Variants in FAM107B observed in about 807,000 individuals in gnomAD.
The protein encoded by FAM107B is family with sequence similarity 107 member B.
A neutral mutation model predicts 31.5 loss-of-function variants in FAM107B; 21 were observed. That is an observed-to-expected ratio of 0.67 (90% CI 0.47 to 0.96). The LOEUF (loss-of-function observed/expected upper bound fraction) is 0.96, where lower values mean the gene tolerates loss of function less well. FAM107B is among the 40% of genes least tolerant of loss of function. The probability of loss-of-function intolerance (pLI) is 0.00; values close to 1 mark genes in which losing one functional copy is unlikely to be tolerated. For synonymous variants in FAM107B, 157 were observed against 141.5 expected (o/e 1.11, Z -0.78); for missense variants, 452 against 377.1 (o/e 1.20, Z -1.64).
chr10:14,548,341 C>G (rs1385306851), intron 2 of FAM107B: 3 of 856,684 alleles, frequency 3.5e-6, no homozygotes, highest in Non-Finnish European at 4.2e-6. Context: ...CCTCAGGGAC[C>G]AGATGCTCTT....
chr10:14,770,044 T>C (rs535066157), intron 1 of FAM107B, among the ~76,000 whole-genome samples: 10 of 152,198 alleles, frequency 6.6e-5, no homozygotes, highest in Non-Finnish European at 1.2e-4. Flanking sequence ...AGTGCCGTCC[T>C]GTGTTTGTAT....
intron 1 of FAM107B, among the ~76,000 whole-genome samples, chr10:14,686,033 C>T: frequency 6.6e-6 from 1 of 152,118 alleles, no homozygotes; most frequent in Non-Finnish European, 1.5e-5. Flanking sequence ...GGACCCCACC[C>T]CCCTGATTCA....
intron 2 of FAM107B, among the ~76,000 whole-genome samples, chr10:14,613,487 C>G (rs1228977027): frequency 8.5e-5 from 13 of 152,166 alleles, no homozygotes; most frequent in Non-Finnish European, 1.9e-4. Context: ...TACCCCATGC[C>G]TCCTTACTAA....
At chr10:14,624,637 A>G (rs931124716) in intron 2 of FAM107B, among the ~76,000 whole-genome samples, 2 of 151,192 alleles carry the variant, frequency 1.3e-5, no homozygotes, top group Non-Finnish European at 3.0e-5. Flanking sequence ...CTCCGTTTCA[A>G]AAAAAAAAGA....
chr10:14,529,882 T>C (rs1463188452), intron 3 of FAM107B: 1 of 155,416 alleles, frequency 6.4e-6, no homozygotes, highest in African/African-American at 2.4e-5. Context: ...TCCTATCTAT[T>C]AAGTCTAATA....
At chr10:14,719,775 C>T (rs1855868401) in intron 1 of FAM107B, among the ~76,000 whole-genome samples, 1 of 143,454 alleles carries the variant, frequency 7.0e-6, no homozygotes, top group African/African-American at 2.4e-5. Flanking sequence ...CTCCTGGGCT[C>T]CCCTCACACC....
At chr10:14,718,399 GAAGAAAGAAAGAGGA>G (rs1229773665) in intron 1 of FAM107B, among the ~76,000 whole-genome samples, 2 of 146,864 alleles carry the variant, frequency 1.4e-5, no homozygotes, top group African/African-American at 2.5e-5. Flanking sequence ...GAAAGGAAAG[GAAGAAAGAAAGAGGA>G]AAGAAAGAAA....
At chr10:14,524,596 T>A (rs1210720359) in intron 3 of FAM107B, among the ~76,000 whole-genome samples, 1 of 152,246 alleles carries the variant, frequency 6.6e-6, no homozygotes, top group East Asian at 1.9e-4. Flanking sequence ...AAGAGTACTC[T>A]GTTCAAAATA....
At chr10:14,612,561 CTG>C (rs1852750442) in intron 2 of FAM107B, 2 of 152,250 alleles carry the variant, frequency 1.3e-5, no homozygotes, top group Non-Finnish European at 2.9e-5. Flanking sequence ...TTGCAGGAAA[CTG>C]TACTTTGACA....
At position 14,686,781 on chromosome 10, in the gene FAM107B, A is replaced by G. The variant is rs552212061; in HGVS notation, c.412-19090T>C. 9.8e-4 allele frequency among the ~76,000 whole-genome samples: 150 copies of G among 152,330 alleles called. 1 individual carries two copies. Among genetic ancestry groups the G allele is most frequent in the African/African-American group, 3.5e-3 (144 of 41,582 alleles). On this transcript the variant is annotated intron_variant, in intron 1 of 4. Coordinates refer to ENST00000181796, the MANE Select transcript of FAM107B (RefSeq NM_031453.4). The stretch of plus-strand genomic sequence containing the variant: ...ATGGTCTGAATTCATCCTGAGAAGA[A>G]ATGCTAAACTGAAGTTGTTCAGTGC...
intron 1 of FAM107B, among the ~76,000 whole-genome samples, chr10:14,686,380 C>T (rs1205923246): frequency 6.9e-6 from 1 of 145,956 alleles, no homozygotes; most frequent in Non-Finnish European, 1.5e-5. Context: ...CAGAGCAAGA[C>T]TCTGCATGTC....
At chr10:14,536,705 C>T (rs768926636) in intron 2 of FAM107B, among the ~76,000 whole-genome samples, 7 of 152,148 alleles carry the variant, frequency 4.6e-5, no homozygotes, top group Admixed American at 1.3e-4. Flanking sequence ...CCTGGTGCAC[C>T]AAGGCTTAGA....
At chr10:14,635,820 C>CG (rs1564609572) in intron 2 of FAM107B, among the ~76,000 whole-genome samples, 2 of 151,830 alleles carry the variant, frequency 1.3e-5, no homozygotes, top group African/African-American at 4.8e-5. Flanking sequence ...TTAGTAGAGG[C>CG]GGGGTTTCAC....
chr10:14,754,675 A>G (rs2131585089), intron 1 of FAM107B, among the ~76,000 whole-genome samples: 1 of 152,322 alleles, frequency 6.6e-6, no homozygotes, highest in Middle Eastern at 3.4e-3. Context: ...GAGCCACTGC[A>G]TCAAGCCACT....
intron 1 of FAM107B, among the ~76,000 whole-genome samples, chr10:14,745,113 CT>C (rs1832698749): frequency 6.6e-6 from 1 of 152,138 alleles, no homozygotes; most frequent in South Asian, 2.1e-4. Flanking sequence ...ATAGGATTCT[CT>C]GATGGTTGTT....
At chr10:14,773,627 A>G (rs993243361) in intron 1 of FAM107B, among the ~76,000 whole-genome samples, 15 of 149,690 alleles carry the variant, frequency 1.0e-4, no homozygotes, top group African/African-American at 3.5e-4. Flanking sequence ...AAATAAGTAA[A>G]TAACTCTTAA....
intron 1 of FAM107B, among the ~76,000 whole-genome samples, chr10:14,672,929 A>G (rs553270594): frequency 6.6e-6 from 1 of 152,362 alleles, no homozygotes; most frequent in African/African-American, 2.4e-5. Flanking sequence ...CAAGTTTAGA[A>G]GCAAAAAGGT....
At chr10:14,566,890 G>A (rs769562399) in intron 2 of FAM107B, among the ~76,000 whole-genome samples, 22 of 152,328 alleles carry the variant, frequency 1.4e-4, no homozygotes, top group Admixed American at 4.6e-4. Context: ...GGTGGCTCAC[G>A]CCTGTAATCC....
At chr10:14,572,736 A>ATTATATATATAT (rs1455058375) in intron 2 of FAM107B, among the ~76,000 whole-genome samples, 3 of 86,488 alleles carry the variant, frequency 3.5e-5, no homozygotes, top group African/African-American at 1.2e-4. Context: ...AAAAAAAAAA[A>ATTATATATATAT]ATTTATATAT....
Sources: allele counts gnomAD v4.1 joint callset (sites outside exome capture counted in the v4.1 genomes callset), GRCh38; gene constraint gnomAD v4.1.1; transcripts MANE v1.5; gene names NCBI Gene and HGNC (gene_info 2026-07-23, HGNC 2026-07-21).